Variants in RXFP2 observed in about 807,000 individuals in gnomAD.
RXFP2 encodes the protein relaxin receptor 2.
In RXFP2, 68 loss-of-function variants were observed where a neutral mutation model predicts 88.6. That is an observed-to-expected ratio of 0.77 (90% CI 0.63 to 0.94). The LOEUF (loss-of-function observed/expected upper bound fraction) is 0.94. Ranked by LOEUF, RXFP2 falls within the 40% of genes least tolerant of loss-of-function variation. The pLI, the probability that RXFP2 is intolerant of heterozygous loss-of-function variation, is 0.00. For missense variants in RXFP2, 791 were observed against 893.9 expected (o/e 0.88, Z 1.47); for synonymous variants, 329 against 306.8 (o/e 1.07, Z -0.76).
intron 15 of RXFP2, 106 bp from the exon 16 acceptor site, chr13:31,792,572 A>T: frequency 1.9e-6 from 2 of 1,076,254 alleles, no homozygotes; most frequent in Non-Finnish European, 2.8e-6. Context: ...AGATGAAAGG[A>T]ACTAGATCTA....
intron 5 of RXFP2, among the ~76,000 whole-genome samples, chr13:31,773,376 T>C (rs1593459518): frequency 6.6e-6 from 1 of 152,094 alleles, no homozygotes; most frequent in African/African-American, 2.4e-5. Flanking sequence ...TGTAAAGTAC[T>C]TGGGGTAAAA....
intron 11 of RXFP2, among the ~76,000 whole-genome samples, chr13:31,785,971 C>T (rs1322573): frequency 0.6 from 91,625 of 152,044 alleles, 27,778 homozygotes; most frequent in East Asian, 0.77. Context: ...GAATGCAAAA[C>T]AAATCAAAGA....
intron 17 of RXFP2, among the ~76,000 whole-genome samples, chr13:31,797,622 T>C (rs1375963790): frequency 6.6e-6 from 1 of 152,184 alleles, no homozygotes; most frequent in African/African-American, 2.4e-5. Context: ...AAGCAGGAGC[T>C]ACAGAGAAAC....
intron 5 of RXFP2, 64 bp downstream of exon 5, chr13:31,766,091 G>T: frequency 2.4e-6 from 2 of 819,768 alleles, no homozygotes; most frequent in South Asian, 2.9e-5. Context: ...AGATGTTTTT[G>T]ATCTAAAAAT....
intron 17 of RXFP2, among the ~76,000 whole-genome samples, chr13:31,799,657 G>A (rs1032522143): frequency 3.3e-5 from 5 of 152,076 alleles, no homozygotes; most frequent in Non-Finnish European, 5.9e-5. Context: ...TGATCTCAGG[G>A]AGACCATCTC....
At chr13:31,759,913 T>C (rs971574156) in intron 2 of RXFP2, among the ~76,000 whole-genome samples, 3 of 152,152 alleles carry the variant, frequency 2.0e-5, no homozygotes, top group African/African-American at 7.2e-5. Flanking sequence ...ACTCATTCTT[T>C]AGGGCCTGGT....
intron 1 of RXFP2, among the ~76,000 whole-genome samples, chr13:31,750,666 G>A (rs918196915): frequency 2.0e-5 from 3 of 152,198 alleles, no homozygotes; most frequent in African/African-American, 7.2e-5. Context: ...TTTTTAACCT[G>A]GGGACAAAGG....
At chr13:31,801,761 G>A (rs1874357593) in intron 17 of RXFP2, among the ~76,000 whole-genome samples, 1 of 152,176 alleles carries the variant, frequency 6.6e-6, no homozygotes, top group Admixed American at 6.5e-5. Context: ...ATCTGGCTTG[G>A]TCCAGGGGAC....
rs1378853295 is a variant in RXFP2, at chr13:31,792,775, G to C, written c.1473G>C (p.Glu491Asp). 1.9e-6 allele frequency: 3 copies of C among 1,613,988 alleles called. No individual in the cohort carries two copies. Among genetic ancestry groups the C allele is most frequent in the South Asian group, 2.2e-5 (2 of 91,074 alleles). The change falls in exon 16 of 18, where the codon GAG becomes GAC. Residue 491 changes from glutamate (E) to aspartate (D), a missense_variant. Glu to Asp is a conservative substitution (Grantham distance 45). Transcript: ENST00000298386. ...QYQKYALLWM[E>D]SVQCRLMGFL... ...AGAAGTATGCCTTGCTGTGGATGGA[G>C]AGCGTGCAGTGCCGCCTCATGGGGT...
chr13:31,802,503 C>A lies in RXFP2; in HGVS notation c.*98C>A, dbSNP rs1333275074. The A allele has an allele frequency of 3.0e-6, 4 of 1,313,452 alleles. No homozygotes were observed. The Admixed American group carries it at 6.7e-5, about 22-fold the overall frequency. The allele number at this position is 1,313,452 out of a possible 1,614,324, so 81.4% of individuals were successfully genotyped here. On this transcript the variant is annotated 3_prime_UTR_variant, in exon 18 of 18. Coordinates refer to ENST00000298386, the MANE Select transcript of RXFP2 (RefSeq NM_130806.5). ...CAATGCTTTTCATCTTTACCAACGG[C>A]AAGCCTTTCTGCACAGAGAGCACAG...
chr13:31,745,946 A>C (rs546861000), intron 1 of RXFP2, among the ~76,000 whole-genome samples: 2 of 152,356 alleles, frequency 1.3e-5, no homozygotes, highest in East Asian at 3.9e-4. Flanking sequence ...GACGGGAGGC[A>C]GCAGAGCAAC....
At chr13:31,761,867 T>C in intron 3 of RXFP2, 66 bp downstream of exon 3, 2 of 1,067,504 alleles carry the variant, frequency 1.9e-6, no homozygotes, top group South Asian at 2.6e-5. Context: ...TGCACAGATT[T>C]ATATGGGTAA....
intron 7 of RXFP2, among the ~76,000 whole-genome samples, chr13:31,776,703 A>G (rs1873003570): frequency 6.6e-6 from 1 of 152,192 alleles, no homozygotes; most frequent in African/African-American, 2.4e-5. Flanking sequence ...TAGGTGCTCA[A>G]TGTGGCTTCC....
At chr13:31,742,992 A>G (rs1482226364) in intron 1 of RXFP2, among the ~76,000 whole-genome samples, 2 of 152,288 alleles carry the variant, frequency 1.3e-5, no homozygotes, top group African/African-American at 4.8e-5. Context: ...TAATTATCTA[A>G]AAACAAAAAA....
At chr13:31,739,801 GT>G in intron 1 of RXFP2, 95 bp downstream of exon 1, 1 of 799,716 alleles carries the variant, frequency 1.3e-6, no homozygotes. Flanking sequence ...ATATTGGGGT[GT>G]TTAAAAAAAA....
At chr13:31,800,387 G>A (rs1041468103) in intron 17 of RXFP2, among the ~76,000 whole-genome samples, 17 of 152,076 alleles carry the variant, frequency 1.1e-4, no homozygotes, top group Non-Finnish European at 2.5e-4. Context: ...TGGCTAACAC[G>A]GTGAAACCCC....
intron 1 of RXFP2, among the ~76,000 whole-genome samples, chr13:31,749,432 T>C (rs1339369334): frequency 6.6e-6 from 1 of 152,236 alleles, no homozygotes; most frequent in Non-Finnish European, 1.5e-5. Flanking sequence ...CTTTTGCATT[T>C]CCACATGCCT....
chr13:31,784,762 G>A (rs1253955026), intron 11 of RXFP2, among the ~76,000 whole-genome samples: 1 of 152,152 alleles, frequency 6.6e-6, no homozygotes, highest in African/African-American at 2.4e-5. Context: ...ACCTGGACTT[G>A]CCATCTCAGT....
chr13:31,781,779 C>T (rs771016213), intron 10 of RXFP2, 37 bp downstream of exon 10: 130 of 1,494,926 alleles, frequency 8.7e-5, no homozygotes, highest in Middle Eastern at 1.7e-4. Context: ...TGAGGGGAAA[C>T]CCTATATATT....
Sources: allele counts gnomAD v4.1 joint callset (sites outside exome capture counted in the v4.1 genomes callset), GRCh38; gene constraint gnomAD v4.1.1; transcripts MANE v1.5; gene names NCBI Gene and HGNC (gene_info 2026-07-23, HGNC 2026-07-21).